The following LRRC8D variants were observed in gnomAD, a reference collection of about 807,000 sequenced individuals.
The protein encoded by LRRC8D is leucine rich repeat containing 8 VRAC subunit D.
Under a neutral mutation model 55.8 loss-of-function variants are expected in LRRC8D, and 20 were observed. The observed-to-expected ratio is 0.36, with a 90% CI of 0.25 to 0.52. The LOEUF (loss-of-function observed/expected upper bound fraction) is 0.52, where lower values mean the gene tolerates loss of function less well. Ranked by LOEUF, LRRC8D falls within the 20% of genes least tolerant of loss-of-function variation. The pLI, the probability that LRRC8D is intolerant of heterozygous loss-of-function variation, is 0.93. For missense variants in LRRC8D, 651 were observed against 1,030.8 expected (o/e 0.63, Z 5.05); for synonymous variants, 352 against 377.0 (o/e 0.93, Z 0.77).
Position 89,934,676 on chromosome 1 carries a change from C to T in LRRC8D, c.1608C>T (p.Arg536=), listed in dbSNP as rs754068192. The change falls in exon 3 of 3, where the codon CGC becomes CGT. Residue 536 remains arginine (R), a synonymous_variant. Transcript: ENST00000337338. This position sits in a 1 kb window ranked among gnomAD's most constrained non-coding sequence, Gnocchi z 5.9. Reference sequence around the variant, plus strand: ...AACAGACTGCTTTTAGCTTTCTTCGCGATCACTTGAGATGCCTTCACGTGA... The same window carrying T: ...AACAGACTGCTTTTAGCTTTCTTCGTGATCACTTGAGATGCCTTCACGTGA... ...KVEQTAFSFL[R]DHLRCLHVKF... is the part of the protein sequence containing the mutation. The T allele has an allele frequency of 7.4e-6, 12 of 1,614,048 alleles. No individual in the cohort carries two copies. The South Asian group carries it at 7.7e-5, about 10-fold the overall frequency.
At chr1:89,887,188 G>A (rs1395556753) in intron 2 of LRRC8D, among the ~76,000 whole-genome samples, 1 of 152,170 alleles carries the variant, frequency 6.6e-6, no homozygotes, top group Non-Finnish European at 1.5e-5. Context: ...ATCTGATTAA[G>A]TTAATTAATA....
At chr1:89,863,409 G>A (rs1053210883) in intron 2 of LRRC8D, among the ~76,000 whole-genome samples, 22 of 152,234 alleles carry the variant, frequency 1.4e-4, no homozygotes, top group Admixed American at 1.4e-3. Context: ...GTGTGTTGAA[G>A]CAGAGACAGG....
intron 2 of LRRC8D, among the ~76,000 whole-genome samples, chr1:89,847,312 A>G (rs1185763979): frequency 6.6e-6 from 1 of 152,216 alleles, no homozygotes; most frequent in Non-Finnish European, 1.5e-5. Context: ...AGTGGCCTAT[A>G]ACTTCCCCTC....
intron 2 of LRRC8D, among the ~76,000 whole-genome samples, chr1:89,925,425 GAA>G (rs929716076): frequency 4.6e-5 from 7 of 152,060 alleles, no homozygotes; most frequent in African/African-American, 1.7e-4. Flanking sequence ...GAGTTAGCCC[GAA>G]ACCATCCCCC....
At chr1:89,897,866 A>C (rs900586720) in intron 2 of LRRC8D, among the ~76,000 whole-genome samples, 8 of 152,182 alleles carry the variant, frequency 5.3e-5, no homozygotes, top group African/African-American at 1.9e-4. Flanking sequence ...AGTGGTGGGC[A>C]GCCGAGGTGC....
At chr1:89,928,271 A>T (rs753058573) in intron 2 of LRRC8D, among the ~76,000 whole-genome samples, 25 of 152,096 alleles carry the variant, frequency 1.6e-4, no homozygotes, top group Non-Finnish European at 3.1e-4. Flanking sequence ...GGGTTTCACC[A>T]TGTTGGCCAG....
At chr1:89,826,379 C>A (rs1163789462) in intron 1 of LRRC8D, among the ~76,000 whole-genome samples, 1 of 152,050 alleles carries the variant, frequency 6.6e-6, no homozygotes, top group Non-Finnish European at 1.5e-5. Context: ...ATTCTCCTGC[C>A]TCAGCCTCCC....
At position 89,911,362 on chromosome 1, in the gene LRRC8D, A is replaced by G. The variant is rs1321947689; in HGVS notation, c.-2-21705A>G. The stretch of plus-strand genomic sequence containing the variant: ...ACAACATATGTCCAAACTCTGTTTA[A>G]GAATTTCCATGGGATTCTGAATTCC... On this transcript the variant is annotated intron_variant, in intron 2 of 2. Coordinates refer to ENST00000337338, the MANE Select transcript of LRRC8D (RefSeq NM_001134479.2). This position sits in a 1 kb window ranked among gnomAD's most constrained non-coding sequence, Gnocchi z 4.0. Among the ~76,000 whole-genome samples, 4 of 152,212 alleles carry G rather than the reference A, an allele frequency of 2.6e-5. No homozygotes were observed. In the East Asian group the frequency reaches 5.8e-4, roughly 22 times the overall value.
intron 2 of LRRC8D, among the ~76,000 whole-genome samples, chr1:89,862,567 G>T (rs1294785441): frequency 1.3e-5 from 2 of 152,178 alleles, no homozygotes; most frequent in East Asian, 3.8e-4. Context: ...CTCTGTGCTG[G>T]ATGTATTTAT....
At chr1:89,840,927 A>T in intron 1 of LRRC8D, among the ~76,000 whole-genome samples, 1 of 152,232 alleles carries the variant, frequency 6.6e-6, no homozygotes, top group East Asian at 1.9e-4. Flanking sequence ...ATATTTCAAA[A>T]CATAATTGTG....
At chr1:89,928,465 AAAAAG>A (rs1230198486) in intron 2 of LRRC8D, among the ~76,000 whole-genome samples, 2 of 152,208 alleles carry the variant, frequency 1.3e-5, no homozygotes, top group Non-Finnish European at 2.9e-5. Context: ...AATAGAAAGA[AAAAAG>A]AAAAATGGGC....
At chr1:89,868,324 A>G (rs1661904381) in intron 2 of LRRC8D, among the ~76,000 whole-genome samples, 1 of 152,186 alleles carries the variant, frequency 6.6e-6, no homozygotes, top group Non-Finnish European at 1.5e-5. Context: ...TTCCCACAGG[A>G]AACATTATAA....
In LRRC8D at chr1:89,935,264, A is replaced by T. The variant is rs1663813346; in HGVS notation, c.2196A>T (p.Arg732Ser). The part of the protein sequence containing the change: ...PVAVFSLQKL[R>S]CLDVSYNNIS... ...CAGTATTTAGTTTACAGAAACTCAG[A>T]TGCTTAGATGTGAGCTACAACAACA... is the stretch of plus-strand genomic sequence containing the variant. The change falls in exon 3 of 3, where the codon AGA becomes AGT. Residue 732 changes from arginine (R) to serine (S), a missense_variant. Physicochemically the swap from Arg to Ser is moderately radical, Grantham distance 110. Coordinates refer to ENST00000337338, the MANE Select transcript of LRRC8D (RefSeq NM_001134479.2). 6.2e-7 allele frequency: 1 copy of T among 1,614,138 alleles called. No homozygotes were observed. Among genetic ancestry groups the T allele is most frequent in the Non-Finnish European group, 8.5e-7 (1 of 1,179,952 alleles).
intron 2 of LRRC8D, among the ~76,000 whole-genome samples, chr1:89,857,473 T>A (rs567243497): frequency 1.1e-4 from 16 of 151,826 alleles, no homozygotes; most frequent in Admixed American, 6.6e-4. Flanking sequence ...ATCTGATTTT[T>A]AAAAAAAATA....
At chr1:89,885,733 A>G (rs1346249370) in intron 2 of LRRC8D, among the ~76,000 whole-genome samples, 7 of 152,200 alleles carry the variant, frequency 4.6e-5, no homozygotes, top group African/African-American at 1.7e-4. Flanking sequence ...GAATAAACAC[A>G]TTGTGCTTGG....
chr1:89,881,723 G>A (rs1376914607), intron 2 of LRRC8D, among the ~76,000 whole-genome samples: 1 of 152,156 alleles, frequency 6.6e-6, no homozygotes, highest in Non-Finnish European at 1.5e-5. Context: ...CCTTTTCTTA[G>A]GCATGAATTG....
chr1:89,851,932 G>A (rs1661428859), intron 2 of LRRC8D, among the ~76,000 whole-genome samples: 1 of 152,152 alleles, frequency 6.6e-6, no homozygotes, highest in African/African-American at 2.4e-5. Flanking sequence ...TGTGTGACAA[G>A]GTTAGGCTAA....
chr1:89,867,875 AG>A (rs1395595685), intron 2 of LRRC8D, among the ~76,000 whole-genome samples: 6 of 152,266 alleles, frequency 3.9e-5, no homozygotes, highest in African/African-American at 1.4e-4. Context: ...ACATCCTTTT[AG>A]AATTCTTCAA....
chr1:89,822,222 G>C (rs1660653459), intron 1 of LRRC8D: 1 of 152,884 alleles, frequency 6.5e-6, no homozygotes, highest in African/African-American at 2.4e-5. Flanking sequence ...TGGGCTGTGA[G>C]GTTCCAGGAG....
Sources: allele counts gnomAD v4.1 joint callset (sites outside exome capture counted in the v4.1 genomes callset), GRCh38; gene constraint gnomAD v4.1.1; non-coding constraint Gnocchi (gnomAD v3.1); transcripts MANE v1.5; gene names NCBI Gene and HGNC (gene_info 2026-07-23, HGNC 2026-07-21).